The following EHBP1 variants were observed in gnomAD, a reference collection of about 807,000 sequenced individuals.
EHBP1 encodes EH domain-binding protein 1.
EHBP1 carries 55 observed loss-of-function variants against 144.0 expected under a neutral mutation model. The observed-to-expected ratio is 0.38, with a 90% CI of 0.31 to 0.48. The LOEUF (loss-of-function observed/expected upper bound fraction) is 0.48. EHBP1 is among the 20% of genes least tolerant of loss of function. EHBP1 has a pLI of 0.98. For missense variants in EHBP1, 1,200 were observed against 1,364.2 expected, an observed-to-expected ratio of 0.88 and a Z score of 1.90; for synonymous variants, 469 against 472.7, an observed-to-expected ratio of 0.99 and a Z score of 0.10.
At chr2:62,752,830 C>T (rs962526794) in intron 3 of EHBP1, among the ~76,000 whole-genome samples, 11 of 152,050 alleles carry the variant, frequency 7.2e-5, no homozygotes, top group Admixed American at 7.2e-4. Context: ...CAACCCTTGC[C>T]TTTTTTTATT....
chr2:62,989,945 T>C (rs184099972), intron 15 of EHBP1, among the ~76,000 whole-genome samples: 1 of 152,324 alleles, frequency 6.6e-6, no homozygotes, highest in East Asian at 1.9e-4. Flanking sequence ...ATAGCATTTA[T>C]TAAGAGTCTT....
chr2:62,938,062 G>A (rs2056501099), intron 10 of EHBP1, among the ~76,000 whole-genome samples: 1 of 151,980 alleles, frequency 6.6e-6, no homozygotes, highest in Admixed American at 6.6e-5. Flanking sequence ...ATACATGAAG[G>A]AAGAATTCAA....
At chr2:62,753,308 T>C (rs2152241238) in intron 3 of EHBP1, among the ~76,000 whole-genome samples, 1 of 152,322 alleles carries the variant, frequency 6.6e-6, no homozygotes, top group East Asian at 1.9e-4. Flanking sequence ...ATTCTTTTCT[T>C]TAAGAATGTT....
chr2:62,831,597 T>C (rs944574360), intron 7 of EHBP1, among the ~76,000 whole-genome samples: 1 of 152,204 alleles, frequency 6.6e-6, no homozygotes, highest in African/African-American at 2.4e-5. Flanking sequence ...TTATGTATCC[T>C]GGTATTGAAG....
intron 15 of EHBP1, among the ~76,000 whole-genome samples, chr2:62,981,046 G>A (rs2058945060): frequency 6.9e-6 from 1 of 144,814 alleles, no homozygotes; most frequent in African/African-American, 2.6e-5. Flanking sequence ...CTCCAGCCTG[G>A]GTGACAGAGT....
At chr2:62,815,277 A>G (rs1435572392) in intron 5 of EHBP1, among the ~76,000 whole-genome samples, 1 of 152,242 alleles carries the variant, frequency 6.6e-6, no homozygotes, top group East Asian at 1.9e-4. Context: ...AACTCACTGC[A>G]TAGAAACGAA....
intron 10 of EHBP1, among the ~76,000 whole-genome samples, chr2:62,935,396 G>T (rs1026606820): frequency 3.5e-5 from 5 of 141,154 alleles, no homozygotes; most frequent in African/African-American, 1.0e-4. Context: ...TTACTTTTTC[G>T]CAATAAAGCT....
At chr2:62,761,343 C>G (rs543878034) in intron 3 of EHBP1, among the ~76,000 whole-genome samples, 134 of 152,234 alleles carry the variant, frequency 8.8e-4, no homozygotes, top group Non-Finnish European at 1.6e-3. Flanking sequence ...GTTTCCATCT[C>G]TGTACCTGAA....
At chr2:62,722,706 C>T (rs1208976084) in intron 2 of EHBP1, among the ~76,000 whole-genome samples, 1 of 152,126 alleles carries the variant, frequency 6.6e-6, no homozygotes, top group Non-Finnish European at 1.5e-5. Context: ...TCTTAAGTGT[C>T]AATTCACCTT....
chr2:62,836,794 G>C (rs2047298547), intron 7 of EHBP1, among the ~76,000 whole-genome samples: 1 of 149,150 alleles, frequency 6.7e-6, no homozygotes, highest in African/African-American at 2.5e-5. Context: ...AGAGAAAAAA[G>C]AATAAAAAGA....
At chr2:63,036,340 A>G (rs986997895) in intron 19 of EHBP1, among the ~76,000 whole-genome samples, 2 of 152,064 alleles carry the variant, frequency 1.3e-5, no homozygotes, top group African/African-American at 2.4e-5. Context: ...CAGTATATAC[A>G]CATGTGTGAT....
At chr2:62,788,311 G>C (rs558176417) in intron 5 of EHBP1, among the ~76,000 whole-genome samples, 1 of 152,098 alleles carries the variant, frequency 6.6e-6, no homozygotes, top group South Asian at 2.1e-4. Context: ...GCCCACTAGG[G>C]AGTGGAGTCA....
At chr2:62,951,560 T>C (rs1435528764) in intron 13 of EHBP1, among the ~76,000 whole-genome samples, 4 of 133,890 alleles carry the variant, frequency 3.0e-5, no homozygotes, top group Admixed American at 2.6e-4. Context: ...AGTCTTGCCC[T>C]GTCACCCAGG....
At chr2:62,812,621 A>G (rs1413284626) in intron 5 of EHBP1, among the ~76,000 whole-genome samples, 1 of 152,156 alleles carries the variant, frequency 6.6e-6, no homozygotes, top group Admixed American at 6.5e-5. Flanking sequence ...GGGTACTGGA[A>G]TAAAGACCAT....
intron 1 of EHBP1, among the ~76,000 whole-genome samples, chr2:62,688,368 A>G (rs2033788817): frequency 1.3e-5 from 2 of 152,164 alleles, no homozygotes; most frequent in Non-Finnish European, 2.9e-5. Flanking sequence ...TCATTGACAC[A>G]TAATTATACA....
intron 7 of EHBP1, among the ~76,000 whole-genome samples, chr2:62,841,764 C>T (rs72807588): frequency 0.02 from 3,029 of 151,060 alleles, 52 homozygotes; most frequent in Middle Eastern, 0.044. Context: ...CTTTCTCTTT[C>T]CTTTCTTTCT....
At chr2:62,806,530 C>A (rs553512931) in intron 5 of EHBP1, among the ~76,000 whole-genome samples, 1 of 151,926 alleles carries the variant, frequency 6.6e-6, no homozygotes, top group Non-Finnish European at 1.5e-5. Flanking sequence ...ACGACCACAC[C>A]CCACTAATTT....
chr2:62,900,682 GTGTATA>G (rs2053335051), intron 10 of EHBP1, among the ~76,000 whole-genome samples: 1 of 144,426 alleles, frequency 6.9e-6, no homozygotes, highest in African/African-American at 2.8e-5. Context: ...GTGTGTGTAT[GTGTATA>G]TATATATATA....
At chr2:62,860,319 G>A (rs1289513837) in intron 8 of EHBP1, among the ~76,000 whole-genome samples, 3 of 151,988 alleles carry the variant, frequency 2.0e-5, no homozygotes, top group Non-Finnish European at 2.9e-5. Flanking sequence ...GAGAAACCCC[G>A]TCTCTACTAA....
Sources: allele counts gnomAD v4.1 joint callset (sites outside exome capture counted in the v4.1 genomes callset), GRCh38; gene constraint gnomAD v4.1.1; transcripts MANE v1.5; gene names NCBI Gene and HGNC (gene_info 2026-07-23, HGNC 2026-07-21).